Variants in PLEKHA5 observed in about 807,000 individuals in gnomAD.
PLEKHA5 encodes pleckstrin homology domain-containing family A member 5.
A neutral mutation model predicts 181.9 loss-of-function variants in PLEKHA5; 55 were observed. That is an observed-to-expected ratio of 0.30 (90% CI 0.24 to 0.38). PLEKHA5 has a LOEUF of 0.38. Among genes scored for constraint, PLEKHA5 ranks in the 10% least tolerant of loss-of-function variants. The pLI is 1.00. For synonymous variants in PLEKHA5, 535 were observed against 529.4 expected (o/e 1.01, Z -0.15); for missense variants, 1,432 against 1,549.5 (o/e 0.92, Z 1.27).
intron 22 of PLEKHA5, among the ~76,000 whole-genome samples, chr12:19,344,996 C>G (rs1276540412): frequency 1.3e-5 from 2 of 151,566 alleles, no homozygotes; most frequent in East Asian, 3.9e-4. Flanking sequence ...GTGGTACGCA[C>G]CTGTGGTCCC....
chr12:19,241,707 A>G (rs2062639959), intron 3 of PLEKHA5, among the ~76,000 whole-genome samples: 1 of 151,988 alleles, frequency 6.6e-6, no homozygotes, highest in African/African-American at 2.4e-5. Flanking sequence ...AGTGAGCCCA[A>G]AATCACACCA....
rs114412502 is a variant in PLEKHA5 at position 19,327,187 on chromosome 12, T to C, written c.2448+4520T>C. Among the ~76,000 whole-genome samples the C allele has an allele frequency of 7.1e-3, 1,079 of 152,140 alleles. 20 individuals carry two copies. Among genetic ancestry groups the C allele is most frequent in the African/African-American group, 0.024 (1,015 of 41,504 alleles). ...TCCATAGTGGCTGAACTAATTTATATCTCCACTCACTGTGTATAAGCATTT... is the reference window on the plus strand; with the variant it reads ...TCCATAGTGGCTGAACTAATTTATACCTCCACTCACTGTGTATAAGCATTT... On this transcript the variant is annotated intron_variant, in intron 20 of 31. Coordinates refer to ENST00000429027, the MANE Select transcript of PLEKHA5 (RefSeq NM_001256470.2).
At position 19,269,546 on chromosome 12, in the gene PLEKHA5, A is replaced by G. The variant is rs1252531503; in HGVS notation, c.712-224A>G. ...ATTTTTAATTTTAGAGTGTGCACAC[A>G]ACTAAAAGAAAGAGGGTAAAATTAA... is the stretch of plus-strand genomic sequence containing the variant. On this transcript the variant is annotated intron_variant, in intron 8 of 31. Coordinates refer to ENST00000429027, the MANE Select transcript of PLEKHA5 (RefSeq NM_001256470.2). Among the ~76,000 whole-genome samples the G allele has an allele frequency of 2.0e-5, 3 of 151,744 alleles. No individual in the cohort carries two copies. The East Asian group carries it at 5.8e-4, about 29-fold the overall frequency.
At chr12:19,311,652 A>T (rs966698874) in intron 15 of PLEKHA5, among the ~76,000 whole-genome samples, 4 of 152,176 alleles carry the variant, frequency 2.6e-5, no homozygotes, top group African/African-American at 9.6e-5. Context: ...TTAGTATGAG[A>T]TTGAAGCAAT....
Position 19,313,141 on chromosome 12 carries a change from G to A in PLEKHA5, c.2038-1673G>A, listed in dbSNP as rs527597579. 2.0e-5 allele frequency among the ~76,000 whole-genome samples: 3 copies of A among 152,190 alleles called. No individual in the cohort carries two copies. In the South Asian group the frequency reaches 6.2e-4, roughly 32 times the overall value. On this transcript the variant is annotated intron_variant, in intron 15 of 31. Transcript: ENST00000429027. The stretch of plus-strand genomic sequence containing the variant: ...CTCCCCCAAAACAATTATAAAGGAT[G>A]AGCCAGGAGGATTGCTTGAGCCCAG...
At chr12:19,202,826 C>T (rs1446568159) in intron 3 of PLEKHA5, among the ~76,000 whole-genome samples, 1 of 151,740 alleles carries the variant, frequency 6.6e-6, no homozygotes, top group Non-Finnish European at 1.5e-5. Flanking sequence ...CGAGATCCAC[C>T]CATCCTCATG....
chr12:19,375,696 C>T lies in PLEKHA5; in HGVS notation c.*177C>T, dbSNP rs957080716. The T allele has an allele frequency of 6.6e-6, 1 of 152,558 alleles. No individual in the cohort carries two copies. Among genetic ancestry groups the T allele is most frequent in the Non-Finnish European group, 1.5e-5 (1 of 68,036 alleles). 9.5% of individuals were successfully genotyped at this position (152,558 alleles called of 1,614,324 possible). ...CTGGAAAATGTTTATTCCAAAACAG[C>T]TTTAATGGCCCATATGTACACTTCG... On this transcript the variant is annotated 3_prime_UTR_variant, in exon 32 of 32. Coordinates refer to ENST00000429027, the MANE Select transcript of PLEKHA5 (RefSeq NM_001256470.2).
chr12:19,258,695 G>C (rs2067535703), intron 6 of PLEKHA5, among the ~76,000 whole-genome samples: 1 of 151,674 alleles, frequency 6.6e-6, no homozygotes, highest in Admixed American at 6.6e-5. Flanking sequence ...TTCACGAGTA[G>C]CTGGGATTAC....
At chr12:19,340,781 C>T (rs1309630237) in intron 21 of PLEKHA5, among the ~76,000 whole-genome samples, 1 of 149,140 alleles carries the variant, frequency 6.7e-6, no homozygotes, top group Admixed American at 6.7e-5. Flanking sequence ...CATCACCACT[C>T]CCTAATCTCA....
chr12:19,374,316 G>A (rs2095658732), intron 31 of PLEKHA5, among the ~76,000 whole-genome samples: 1 of 152,052 alleles, frequency 6.6e-6, no homozygotes, highest in African/African-American at 2.4e-5. Flanking sequence ...GACCCAAAGG[G>A]GGTTGCCGTT....
intron 3 of PLEKHA5, among the ~76,000 whole-genome samples, chr12:19,189,219 A>G (rs4764470): frequency 0.71 from 107,913 of 152,102 alleles, 39,586 homozygotes; most frequent in Non-Finnish European, 0.81. Flanking sequence ...ACTGTGCAGG[A>G]CCAAGTAGCT....
intron 3 of PLEKHA5, among the ~76,000 whole-genome samples, chr12:19,135,942 C>G (rs2035512400): frequency 6.8e-6 from 1 of 146,618 alleles, no homozygotes; most frequent in Non-Finnish European, 1.5e-5. Context: ...TGCAGTGGCT[C>G]TATCACAACA....
At position 19,159,326 on chromosome 12, in the gene PLEKHA5, C is replaced by T. The variant is rs114869073; in HGVS notation, c.227+26876C>T. ...TGGGCATTTAGGCTTAGAAAAGTTG[C>T]CTTATCTGTAATTTTTATTGCCCTT... On this transcript the variant is annotated intron_variant, in intron 3 of 31. Coordinates refer to ENST00000429027, the MANE Select transcript of PLEKHA5 (RefSeq NM_001256470.2). Among the ~76,000 whole-genome samples, 1,378 of 152,110 alleles carry T rather than the reference C, an allele frequency of 9.1e-3. 26 individuals carry two copies. The highest frequency in any genetic ancestry group is 0.031 in the African/African-American group (1,299 of 41,492).
At chr12:19,270,236 C>G in intron 10 of PLEKHA5, 31 bp downstream of exon 10, 1 of 1,267,266 alleles carries the variant, frequency 7.9e-7, no homozygotes, top group Non-Finnish European at 1.1e-6. Flanking sequence ...TACCTTAAAG[C>G]TACACAGATT....
intron 3 of PLEKHA5, among the ~76,000 whole-genome samples, chr12:19,238,749 A>G (rs376324308): frequency 1.3e-5 from 2 of 150,556 alleles, no homozygotes; most frequent in South Asian, 2.1e-4. Flanking sequence ...GTTCAAGTGA[A>G]GAGAAACTAT....
intron 25 of PLEKHA5, among the ~76,000 whole-genome samples, chr12:19,351,201 G>C (rs2094576364): frequency 6.6e-6 from 1 of 152,196 alleles, no homozygotes; most frequent in Admixed American, 6.5e-5. Context: ...CTCCCAGAGT[G>C]TTGGGATTAC....
chr12:19,239,219 CTGAT>C (rs917227332), intron 3 of PLEKHA5, among the ~76,000 whole-genome samples: 88 of 152,268 alleles, frequency 5.8e-4, no homozygotes, highest in African/African-American at 2.0e-3. Flanking sequence ...CATCTTCACT[CTGAT>C]GATCAAAACC....
Position 19,258,913 on chromosome 12 carries a change from A to G in PLEKHA5, c.537+1376A>G, listed in dbSNP as rs112078024. On this transcript the variant is annotated intron_variant, in intron 6 of 31. Coordinates refer to ENST00000429027, the MANE Select transcript of PLEKHA5 (RefSeq NM_001256470.2). Reference sequence around the variant, plus strand: ...CCATATTTTCCAGCTAGTCTTTCTAATAAGTCCAAATTATGATCCACTATT... The same window carrying G: ...CCATATTTTCCAGCTAGTCTTTCTAGTAAGTCCAAATTATGATCCACTATT... 3.3e-5 allele frequency among the ~76,000 whole-genome samples: 5 copies of G among 152,178 alleles called. 1 individual carries two copies. The highest frequency in any genetic ancestry group is 7.2e-5 in the African/African-American group (3 of 41,544).
chr12:19,367,867 T>C (rs2095475166), intron 30 of PLEKHA5, among the ~76,000 whole-genome samples: 2 of 151,848 alleles, frequency 1.3e-5, no homozygotes, highest in African/African-American at 4.8e-5. Flanking sequence ...ATTATAGGCA[T>C]GAGCCACTGC....
Sources: gnomAD v4.1 joint callset for allele counts (sites outside exome capture counted in the v4.1 genomes callset) on GRCh38, gnomAD v4.1.1 for gene constraint, MANE v1.5 for transcripts, NCBI Gene and HGNC (gene_info 2026-07-23, HGNC 2026-07-21) for gene names.